Variants in TEAD1 observed in about 807,000 individuals in gnomAD.
TEAD1 encodes transcriptional enhancer factor TEF-1.
In TEAD1, 9 loss-of-function variants were observed where a neutral mutation model predicts 54.9. The ratio of observed to expected loss-of-function variants is 0.16; its 90% confidence interval spans 0.10 to 0.29. TEAD1 has a LOEUF of 0.29. TEAD1 is among the 10% of genes least tolerant of loss of function. The probability of loss-of-function intolerance (pLI) is 1.00; values close to 1 mark genes in which losing one functional copy is unlikely to be tolerated. For synonymous variants in TEAD1, 200 were observed against 187.8 expected (o/e 1.07, Z -0.53); for missense variants, 387 against 535.9 (o/e 0.72, Z 2.74).
At chr11:12,863,016 AAAAG>A (rs748115250) in intron 4 of TEAD1, among the ~76,000 whole-genome samples, 95 of 152,274 alleles carry the variant, frequency 6.2e-4, no homozygotes, top group Admixed American at 9.8e-4. Flanking sequence ...AAAAACAAAA[AAAAG>A]AAAGGAGGAA....
intron 5 of TEAD1, chr11:12,865,372 T>C (rs1231823990): frequency 6.1e-6 from 1 of 164,320 alleles, no homozygotes; most frequent in African/African-American, 2.4e-5. Flanking sequence ...TAACTCATGC[T>C]TTTGATGTAT....
intron 2 of TEAD1, among the ~76,000 whole-genome samples, chr11:12,763,165 T>G (rs1945134939): frequency 6.6e-6 from 1 of 152,226 alleles, no homozygotes; most frequent in African/African-American, 2.4e-5. Context: ...TTGACATTTG[T>G]TTGGAAAGCT....
chr11:12,686,568 A>T (rs1175623868), intron 2 of TEAD1, among the ~76,000 whole-genome samples: 1 of 152,054 alleles, frequency 6.6e-6, no homozygotes, highest in Non-Finnish European at 1.5e-5. Context: ...TGGTATTCTG[A>T]AAGGTTGGTT....
intron 10 of TEAD1, among the ~76,000 whole-genome samples, chr11:12,902,959 C>G (rs1048717427): frequency 6.6e-6 from 1 of 152,154 alleles, no homozygotes; most frequent in Admixed American, 6.5e-5. Context: ...ATTGATTTCT[C>G]TTTTAATCCC....
chr11:12,823,363 C>G (rs1021088759), intron 3 of TEAD1: 1 of 152,152 alleles, frequency 6.6e-6, no homozygotes, highest in Non-Finnish European at 1.5e-5. Context: ...GGTTGATTCA[C>G]AAGGTTGCCA....
chr11:12,767,199 T>C lies in TEAD1; in HGVS notation c.202+2765T>C, dbSNP rs372072467. Among the ~76,000 whole-genome samples, 27 of 152,270 alleles carry C rather than the reference T, an allele frequency of 1.8e-4. 1 individual carries two copies. The highest frequency in any genetic ancestry group is 3.4e-3 in the Middle Eastern group (1 of 294). On this transcript the variant is annotated intron_variant, in intron 3 of 12. Transcript: ENST00000527636. ...CCAGCCACTCGAGAACTGAATCATA[T>C]GAGCAGTGTGGGGCCAGAGCTACTG...
At chr11:12,888,914 A>C (rs928852085) in intron 9 of TEAD1, among the ~76,000 whole-genome samples, 51 of 152,220 alleles carry the variant, frequency 3.4e-4, no homozygotes, top group African/African-American at 1.2e-3. Context: ...CAGGGCCGTA[A>C]GGAGCTAATG....
At position 12,901,999 on chromosome 11, in the gene TEAD1, G is replaced by C; in HGVS notation, c.759G>C (p.Leu253Phe). Residue 253 changes from leucine (L) to phenylalanine (F), a missense_variant, in exon 10 of 13, where the codon TTG becomes TTC. This residue lies in a region of TEAD1 where 180 missense variants were observed against 180.6 expected (regional missense o/e 1.00). Transcript: ENST00000527636. The stretch of plus-strand genomic sequence containing the variant: ...CCAACCATTCTTACAGTGACCCATT[G>C]CTTGAATCAGTGGACATTCGTCAGA... The C allele has an allele frequency of 6.2e-7, 1 of 1,614,234 alleles. No individual in the cohort carries two copies.
intron 3 of TEAD1, among the ~76,000 whole-genome samples, chr11:12,848,110 C>T (rs911257320): frequency 6.6e-6 from 1 of 152,162 alleles, no homozygotes; most frequent in African/African-American, 2.4e-5. Context: ...GTACATCTAT[C>T]CATCTAATCG....
chr11:12,752,319 C>T (rs2133908622), intron 2 of TEAD1, among the ~76,000 whole-genome samples: 1 of 149,820 alleles, frequency 6.7e-6, no homozygotes. Context: ...ATATTGAGTC[C>T]CTTGTGTTTT....
At chr11:12,791,700 A>G (rs549428663) in intron 3 of TEAD1, among the ~76,000 whole-genome samples, 83 of 152,258 alleles carry the variant, frequency 5.5e-4, no homozygotes, top group African/African-American at 1.9e-3. Flanking sequence ...AATTTAAGTC[A>G]GTTCTCTAAT....
At chr11:12,747,662 G>T (rs1446832416) in intron 2 of TEAD1, among the ~76,000 whole-genome samples, 1 of 152,132 alleles carries the variant, frequency 6.6e-6, no homozygotes, top group Non-Finnish European at 1.5e-5. Flanking sequence ...AGCTATTTGA[G>T]AACCTACGGT....
intron 3 of TEAD1, among the ~76,000 whole-genome samples, chr11:12,811,128 G>A (rs191921851): frequency 5.3e-5 from 8 of 152,338 alleles, no homozygotes; most frequent in Admixed American, 6.5e-5. Context: ...GATTGATTGA[G>A]GGATGGTGCC....
chr11:12,930,450 T>A (rs553320866), intron 12 of TEAD1, 124 bp downstream of exon 12: 2 of 1,181,428 alleles, frequency 1.7e-6, no homozygotes, highest in East Asian at 4.7e-5. Context: ...TTGGATTGGG[T>A]TCCTAGTGGT....
At chr11:12,814,756 AC>A (rs1415363368) in intron 3 of TEAD1, among the ~76,000 whole-genome samples, 1 of 148,084 alleles carries the variant, frequency 6.8e-6, no homozygotes, top group African/African-American at 2.5e-5. Context: ...AAGTCCAGCC[AC>A]CCCTGACCAT....
At chr11:12,839,133 G>A (rs886099130) in intron 3 of TEAD1, among the ~76,000 whole-genome samples, 10 of 151,818 alleles carry the variant, frequency 6.6e-5, no homozygotes, top group Non-Finnish European at 4.4e-5. Flanking sequence ...ACTGGGAGCC[G>A]GGCATGGTGG....
At chr11:12,844,511 A>G (rs1225858462) in intron 3 of TEAD1, among the ~76,000 whole-genome samples, 5 of 152,148 alleles carry the variant, frequency 3.3e-5, no homozygotes, top group African/African-American at 1.2e-4. Context: ...TGCCACCACC[A>G]GCATCAAATC....
intron 2 of TEAD1, among the ~76,000 whole-genome samples, chr11:12,752,532 A>G (rs1564928451): frequency 6.6e-6 from 1 of 152,114 alleles, no homozygotes; most frequent in Non-Finnish European, 1.5e-5. Context: ...TATAGTATAT[A>G]TTTCTTTGTA....
intron 9 of TEAD1, among the ~76,000 whole-genome samples, chr11:12,894,603 T>C (rs1336720882): frequency 1.3e-5 from 2 of 152,134 alleles, no homozygotes; most frequent in Non-Finnish European, 2.9e-5. Context: ...ACTGTGTGCC[T>C]GAGGGAAATG....
Sources: gnomAD v4.1 joint callset for allele counts (sites outside exome capture counted in the v4.1 genomes callset) on GRCh38, gnomAD v4.1.1 for gene constraint, gnomAD v4.1.1 regional missense constraint, MANE v1.5 for transcripts, NCBI Gene and HGNC (gene_info 2026-07-23, HGNC 2026-07-21) for gene names.